Variants in CNTN6 observed in about 807,000 individuals in gnomAD.
CNTN6 encodes the protein contactin 6.
A neutral mutation model predicts 122.8 loss-of-function variants in CNTN6; 137 were observed. The ratio of observed to expected loss-of-function variants is 1.12; its 90% CI spans 0.97 to 1.29. The LOEUF is 1.29. Ranked by LOEUF, CNTN6 falls within the 50% of genes most tolerant of loss-of-function variation. CNTN6 has a pLI of 0.00. For synonymous variants in CNTN6, 570 were observed against 426.0 expected (o/e 1.34, Z -4.16); for missense variants, 1,634 against 1,223.4 (o/e 1.34, Z -5.01).
intron 2 of CNTN6, among the ~76,000 whole-genome samples, chr3:1,202,770 TAAAAG>T (rs1389919857): frequency 2.0e-5 from 3 of 152,076 alleles, no homozygotes; most frequent in African/African-American, 7.2e-5. Context: ...TTCCTGCTCA[TAAAAG>T]AAAACAAAAA....
intron 4 of CNTN6, among the ~76,000 whole-genome samples, chr3:1,242,397 G>A (rs1046228869): frequency 1.6e-4 from 24 of 151,344 alleles, no homozygotes; most frequent in Admixed American, 3.3e-4. Context: ...TTGATAAGGC[G>A]CAGATCCTGA....
chr3:1,387,623 G>T (rs879800538), intron 20 of CNTN6, among the ~76,000 whole-genome samples: 8 of 152,180 alleles, frequency 5.3e-5, no homozygotes, highest in African/African-American at 1.9e-4. Context: ...GTGAAGACGC[G>T]TGATTTCTGC....
At chr3:1,329,595 C>T (rs1702008283) in intron 10 of CNTN6, among the ~76,000 whole-genome samples, 190 bp from the exon 11 acceptor site, 1 of 151,796 alleles carries the variant, frequency 6.6e-6, no homozygotes, top group African/African-American at 2.4e-5. Context: ...TTGTCATCTT[C>T]ATTTTACAAA....
At chr3:1,339,395 A>G (rs530830423) in intron 11 of CNTN6, among the ~76,000 whole-genome samples, 1 of 152,270 alleles carries the variant, frequency 6.6e-6, no homozygotes, top group East Asian at 1.9e-4. Flanking sequence ...ATAGTGGCAA[A>G]CCAATTTGAC....
chr3:1,263,695 C>G (rs971368356), intron 4 of CNTN6, among the ~76,000 whole-genome samples: 14 of 151,958 alleles, frequency 9.2e-5, no homozygotes, highest in Non-Finnish European at 1.9e-4. Context: ...TAAACATGTT[C>G]TTGTTGAATA....
At chr3:1,397,648 A>G (rs1695150399) in intron 20 of CNTN6, among the ~76,000 whole-genome samples, 1 of 152,130 alleles carries the variant, frequency 6.6e-6, no homozygotes, top group Non-Finnish European at 1.5e-5. Context: ...AACAAACAAA[A>G]CACTACTTAT....
chr3:1,278,523 T>C lies in CNTN6; in HGVS notation c.454+15T>C. 2.5e-6 allele frequency: 4 copies of C among 1,586,598 alleles called. No homozygotes were observed. Among genetic ancestry groups the C allele is most frequent in the Non-Finnish European group, 3.5e-6 (4 of 1,157,298 alleles). ...ACATTTTGGAGGTATGATGGGGTGA[T>C]TTGGGTCATATCATCAATGCGGTCA... On this transcript the variant is annotated intron_variant, in intron 5 of 22. Coordinates refer to ENST00000446702, the MANE Select transcript of CNTN6 (RefSeq NM_001289080.2).
At chr3:1,149,155 AAAC>A (rs2092785718) in intron 2 of CNTN6, among the ~76,000 whole-genome samples, 1 of 152,208 alleles carries the variant, frequency 6.6e-6, no homozygotes, top group African/African-American at 2.4e-5. Flanking sequence ...CTGTTTTTGT[AAAC>A]AACCAACCAT....
chr3:1,321,358 T>C (rs1015274866), intron 7 of CNTN6, among the ~76,000 whole-genome samples: 3 of 151,700 alleles, frequency 2.0e-5, no homozygotes, highest in African/African-American at 7.3e-5. Context: ...GTTTATGGTA[T>C]GTTTTCCCAC....
rs374620096 is a variant in CNTN6, at chr3:1,403,520, T to C, written c.*102T>C. ...AGATGCGTTCTTAATACAGACTTGT[T>C]TGCAAAGAAAAAAAAAAGTATATTA... is the stretch of plus-strand genomic sequence containing the variant. On this transcript the variant is annotated 3_prime_UTR_variant, in exon 23 of 23. Transcript: ENST00000446702. 3.5e-6 allele frequency: 2 copies of C among 569,888 alleles called. No individual in the cohort carries two copies. Among genetic ancestry groups the C allele is most frequent in the African/African-American group, 3.9e-5 (2 of 51,632 alleles). The allele number at this position is 569,888 out of a possible 1,614,324, so 35.3% of individuals were successfully genotyped here.
chr3:1,393,819 C>T (rs1298952675), intron 20 of CNTN6, among the ~76,000 whole-genome samples: 10 of 152,032 alleles, frequency 6.6e-5, no homozygotes, highest in Admixed American at 6.5e-4. Flanking sequence ...GAGATATATC[C>T]ATATGACATA....
At chr3:1,277,938 C>G (rs1258885066) in intron 4 of CNTN6, among the ~76,000 whole-genome samples, 4 of 152,106 alleles carry the variant, frequency 2.6e-5, no homozygotes, top group Non-Finnish European at 5.9e-5. Flanking sequence ...TGAAAATACA[C>G]TTTTTGTCTC....
chr3:1,169,906 G>A (rs2093328692), intron 2 of CNTN6, among the ~76,000 whole-genome samples: 1 of 152,158 alleles, frequency 6.6e-6, no homozygotes, highest in Admixed American at 6.5e-5. Context: ...TGATATGGGT[G>A]GCCCATATTA....
At chr3:1,136,044 T>A (rs1483737896) in intron 1 of CNTN6, among the ~76,000 whole-genome samples, 1 of 152,136 alleles carries the variant, frequency 6.6e-6, no homozygotes, top group East Asian at 1.9e-4. Context: ...CTGATTGGCA[T>A]GAAAGCAATT....
intron 7 of CNTN6, among the ~76,000 whole-genome samples, chr3:1,309,559 G>A (rs1479156766): frequency 6.6e-6 from 1 of 152,166 alleles, no homozygotes; most frequent in African/African-American, 2.4e-5. Context: ...GGTAATGTCA[G>A]TACTCCAACT....
intron 1 of CNTN6, among the ~76,000 whole-genome samples, chr3:1,107,339 C>T (rs892570716): frequency 9.2e-5 from 14 of 151,974 alleles, no homozygotes; most frequent in Admixed American, 5.9e-4. Context: ...TATGATTGTT[C>T]ATTTGAAGAA....
chr3:1,339,016 C>G (rs1703502176), intron 11 of CNTN6, among the ~76,000 whole-genome samples: 3 of 151,870 alleles, frequency 2.0e-5, no homozygotes, highest in Admixed American at 1.3e-4. Flanking sequence ...GTATAGAAAT[C>G]AGTCTCATTA....
intron 2 of CNTN6, among the ~76,000 whole-genome samples, chr3:1,190,095 T>C (rs990094758): frequency 2.0e-5 from 3 of 152,158 alleles, no homozygotes; most frequent in Non-Finnish European, 4.4e-5. Flanking sequence ...AGGGCTCTCA[T>C]TGATTTGCAG....
intron 2 of CNTN6, among the ~76,000 whole-genome samples, chr3:1,185,618 G>C (rs1575157350): frequency 6.6e-6 from 1 of 152,152 alleles, no homozygotes; most frequent in East Asian, 1.9e-4. Flanking sequence ...GATAGTGCAT[G>C]TAATGTACTT....
Sources: gnomAD v4.1 joint callset for allele counts (sites outside exome capture counted in the v4.1 genomes callset) on GRCh38, gnomAD v4.1.1 for gene constraint, MANE v1.5 for transcripts, NCBI Gene and HGNC (gene_info 2026-07-23, HGNC 2026-07-21) for gene names.